MAP4K4: variants seen among roughly 807,000 people sequenced by gnomAD.
The protein encoded by MAP4K4 is HPK/GCK-like kinase HGK.
MAP4K4 carries 38 observed loss-of-function variants against 189.6 expected under a neutral mutation model. The ratio of observed to expected loss-of-function variants is 0.20; its 90% confidence interval spans 0.15 to 0.26. The LOEUF is 0.26. Among genes scored for constraint, MAP4K4 ranks in the 10% least tolerant of loss-of-function variants. MAP4K4 has a pLI of 1.00. For missense variants in MAP4K4, 1,054 were observed against 1,726.9 expected, an observed-to-expected ratio of 0.61 and a Z score of 6.91; for synonymous variants, 610 against 624.3, an observed-to-expected ratio of 0.98 and a Z score of 0.34.
At chr2:101,772,582 GCTGA>G (rs1558845901) in intron 2 of MAP4K4, among the ~76,000 whole-genome samples, 1 of 152,112 alleles carries the variant, frequency 6.6e-6, no homozygotes. Flanking sequence ...AAAAGTTATC[GCTGA>G]TTTTCTGTTA....
At chr2:101,770,144 A>G (rs1328283535) in intron 2 of MAP4K4, among the ~76,000 whole-genome samples, 2 of 151,938 alleles carry the variant, frequency 1.3e-5, no homozygotes, top group African/African-American at 4.8e-5. Flanking sequence ...TAAGTTTTGT[A>G]GATATCATTA....
At chr2:101,889,005 TG>T (rs2098527267) in intron 32 of MAP4K4, 70 bp downstream of exon 32, 2 of 1,305,712 alleles carry the variant, frequency 1.5e-6, no homozygotes, top group Admixed American at 5.5e-5. Context: ...CCATGGAGTT[TG>T]ATGATTAATT....
chr2:101,702,253 G>C (rs2039261463), intron 2 of MAP4K4, among the ~76,000 whole-genome samples: 1 of 152,174 alleles, frequency 6.6e-6, no homozygotes, highest in African/African-American at 2.4e-5. Context: ...GTGATGGCTG[G>C]TGTTCCAAAT....
At chr2:101,797,358 C>G in intron 3 of MAP4K4, 1 of 1,290,806 alleles carries the variant, frequency 7.7e-7, no homozygotes, top group South Asian at 1.2e-5. Context: ...GGCAGACTTA[C>G]CACAGGATCA....
intron 2 of MAP4K4, among the ~76,000 whole-genome samples, chr2:101,732,132 C>T (rs1363368875): frequency 6.6e-6 from 1 of 152,114 alleles, no homozygotes; most frequent in Non-Finnish European, 1.5e-5. Context: ...TTTATAAACT[C>T]TGTGGGAGAT....
rs117752019 is a variant in MAP4K4, at chr2:101,723,053, G to A, written c.123+24515G>A. Among the ~76,000 whole-genome samples the A allele has an allele frequency of 5.5e-4, 84 of 152,284 alleles. 1 individual carries two copies. The East Asian group carries it at 0.015, about 28-fold the overall frequency. On this transcript the variant is annotated intron_variant, in intron 2 of 32. Transcript: ENST00000324219. ...GGGAAGCCAGACATCTCCTTCACAA[G>A]GCGTCAGGAGGGAAAATGAATGCAG...
chr2:101,859,756 CCCGCAGCACTCGCAGCAGCCGCCACCA>C (rs758945257), exon 15 of MAP4K4: 1 of 1,611,360 alleles, frequency 6.2e-7, no homozygotes, highest in Admixed American at 1.7e-5. Flanking sequence ...GGAGGCCGCA[CCCGCAGCACTCGCAGCAGCCGCCACCA>C]CCGCAGCAGG....
At chr2:101,754,540 C>T (rs938300258) in intron 2 of MAP4K4, among the ~76,000 whole-genome samples, 1 of 151,930 alleles carries the variant, frequency 6.6e-6, no homozygotes, top group Non-Finnish European at 1.5e-5. Flanking sequence ...TTAGTAGAGA[C>T]AGGATATCAC....
At chr2:101,740,991 G>C (rs2062507605) in intron 2 of MAP4K4, among the ~76,000 whole-genome samples, 1 of 152,084 alleles carries the variant, frequency 6.6e-6, no homozygotes, top group Non-Finnish European at 1.5e-5. Flanking sequence ...CAAATGATGA[G>C]ACTGAGGTTT....
At chr2:101,859,418 A>C (rs938500352) in intron 14 of MAP4K4, among the ~76,000 whole-genome samples, 8 of 152,190 alleles carry the variant, frequency 5.3e-5, no homozygotes, top group Non-Finnish European at 5.9e-5. Context: ...TAAAACTCAC[A>C]TTTAATTGAA....
chr2:101,839,683 C>T, intron 9 of MAP4K4, 136 bp from the exon 10 acceptor site: 1 of 668,928 alleles, frequency 1.5e-6, no homozygotes. Flanking sequence ...ATGTTTCATA[C>T]ATTATTCCTA....
In MAP4K4 at chr2:101,842,672, G is replaced by GAGAGCCAAGGTAACC. The variant is rs1222845361; in HGVS notation, c.1015_1022+7dup. 1 of 1,607,042 alleles carries GAGAGCCAAGGTAACC rather than the reference G, an allele frequency of 6.2e-7. No individual in the cohort carries two copies. On this transcript the variant is annotated stop_gained and inframe_insertion, in exon 11 of 33. Transcript: ENST00000324219. LOFTEE classifies it high-confidence loss of function. ...GAGGAGGAAGTGCCTGAACAGGAAG[G>GAGAGCCAAGGTAACC]AGAGCCAAGGTAACCACAAAGCCAC...
intron 3 of MAP4K4, among the ~76,000 whole-genome samples, chr2:101,799,783 C>T (rs866697989): frequency 7.2e-5 from 11 of 151,966 alleles, no homozygotes; most frequent in Non-Finnish European, 1.5e-4. Flanking sequence ...TAAAATTTTT[C>T]GTAGAGACGA....
At chr2:101,808,329 A>G (rs1053804572) in intron 3 of MAP4K4, among the ~76,000 whole-genome samples, 14 of 152,174 alleles carry the variant, frequency 9.2e-5, no homozygotes, top group Admixed American at 8.5e-4. Context: ...TACAGAGCCC[A>G]TGGCTGTGGG....
At chr2:101,757,685 G>T (rs1322085011) in intron 2 of MAP4K4, among the ~76,000 whole-genome samples, 1 of 152,154 alleles carries the variant, frequency 6.6e-6, no homozygotes, top group African/African-American at 2.4e-5. Flanking sequence ...TAATTTGTAA[G>T]TTAGGCACAG....
rs552292211 is a variant in MAP4K4 at position 101,707,307 on chromosome 2, C to G, written c.123+8769C>G. On this transcript the variant is annotated intron_variant, in intron 2 of 32. Transcript: ENST00000324219. ...TACTGTAGCCTCCGCCTTGTGGGTACAAGCAATTCTCTTGCCTCAGCCTCC... is the reference window on the plus strand; with the variant it reads ...TACTGTAGCCTCCGCCTTGTGGGTAGAAGCAATTCTCTTGCCTCAGCCTCC... Among the ~76,000 whole-genome samples, 25 of 150,790 alleles carry G rather than the reference C, an allele frequency of 1.7e-4. 1 individual carries two copies. The South Asian group carries it at 5.2e-3, about 32-fold the overall frequency.
chr2:101,785,753 T>C (rs1273822308), intron 2 of MAP4K4, among the ~76,000 whole-genome samples: 102 of 11,374 alleles, frequency 9.0e-3, no homozygotes, highest in African/African-American at 0.015. Context: ...TCTCTCTCTC[T>C]CTCTCTCTCT....
chr2:101,743,833 T>C (rs1449250361), intron 2 of MAP4K4, among the ~76,000 whole-genome samples: 2 of 152,098 alleles, frequency 1.3e-5, no homozygotes, highest in African/African-American at 4.8e-5. Context: ...AATTTTTGTA[T>C]TTGTAGTAGA....
rs770079212 is a variant in MAP4K4, at chr2:101,870,454, C to T, written c.2760+39C>T. On this transcript the variant is annotated intron_variant, in intron 23 of 32. Transcript: ENST00000324219. ...CTCTGTTGTCAGAGGCTGAGCTTCT[C>T]CTGTGGTCATTAACCCACTTGCTCA... 4 of 1,609,680 alleles carry T rather than the reference C, an allele frequency of 2.5e-6. No homozygotes were observed. The African/African-American group carries it at 5.4e-5, about 22-fold the overall frequency.
Sources: gnomAD v4.1 joint callset for allele counts (sites outside exome capture counted in the v4.1 genomes callset) on GRCh38, gnomAD v4.1.1 for gene constraint, MANE v1.5 for transcripts, NCBI Gene and HGNC (gene_info 2026-07-23, HGNC 2026-07-21) for gene names.